The following CDH18 variants were observed in gnomAD, a reference collection of about 807,000 sequenced individuals.
CDH18 encodes the protein cadherin-18.
Under a neutral mutation model 67.9 loss-of-function variants are expected in CDH18, and 31 were observed. The ratio of observed to expected loss-of-function variants is 0.46; its 90% confidence interval spans 0.34 to 0.62. CDH18 has a LOEUF of 0.62. Among genes scored for constraint, CDH18 ranks in the 20% least tolerant of loss-of-function variants. The pLI is 0.01. For synonymous variants in CDH18, 362 were observed against 347.2 expected, an observed-to-expected ratio of 1.04 and a Z score of -0.48; for missense variants, 890 against 975.5, an observed-to-expected ratio of 0.91 and a Z score of 1.17.
chr5:19,768,818 A>G (rs1773393143), intron 3 of CDH18, among the ~76,000 whole-genome samples: 1 of 152,134 alleles, frequency 6.6e-6, no homozygotes, highest in Non-Finnish European at 1.5e-5. Flanking sequence ...TATTTATAAT[A>G]GAAGTATAAA....
intron 1 of CDH18, among the ~76,000 whole-genome samples, chr5:20,451,703 A>T (rs1258060786): frequency 6.6e-6 from 1 of 152,148 alleles, no homozygotes; most frequent in East Asian, 1.9e-4. Context: ...TTTTTCTTGT[A>T]AATATTTTGA....
intron 5 of CDH18, among the ~76,000 whole-genome samples, chr5:19,663,176 A>G (rs552923873): frequency 6.6e-6 from 1 of 152,120 alleles, no homozygotes; most frequent in East Asian, 1.9e-4. Flanking sequence ...GCTAATGGAC[A>G]TTTGTGGAAC....
intron 3 of CDH18, among the ~76,000 whole-genome samples, chr5:19,782,538 G>A (rs1775244021): frequency 6.6e-6 from 1 of 152,110 alleles, no homozygotes; most frequent in South Asian, 2.1e-4. Context: ...AAATTCAAAT[G>A]TATGTAATGA....
chr5:19,568,322 G>T (rs1561365576), intron 8 of CDH18, among the ~76,000 whole-genome samples: 1 of 152,154 alleles, frequency 6.6e-6, no homozygotes, highest in African/African-American at 2.4e-5. Context: ...GTGATTATGA[G>T]GTCATGAAAA....
chr5:19,897,348 G>T (rs536064878), intron 2 of CDH18, among the ~76,000 whole-genome samples: 1 of 152,204 alleles, frequency 6.6e-6, no homozygotes, highest in East Asian at 1.9e-4. Context: ...TAATTATCAA[G>T]GAAATGTGAA....
intron 11 of CDH18, among the ~76,000 whole-genome samples, chr5:19,498,229 G>A (rs1350770390): frequency 6.6e-6 from 1 of 152,082 alleles, no homozygotes; most frequent in Non-Finnish European, 1.5e-5. Context: ...TCAACCTAAG[G>A]AAGACACTGT....
At chr5:20,062,571 G>A (rs1213713805) in intron 2 of CDH18, among the ~76,000 whole-genome samples, 1 of 152,108 alleles carries the variant, frequency 6.6e-6, no homozygotes, top group African/African-American at 2.4e-5. Context: ...TATTATGCAT[G>A]ATAACCAGCA....
intron 2 of CDH18, among the ~76,000 whole-genome samples, chr5:20,106,221 C>T (rs1561794829): frequency 6.6e-6 from 1 of 152,222 alleles, no homozygotes; most frequent in Non-Finnish European, 1.5e-5. Context: ...ACAGCTCACA[C>T]TATCATCTGT....
At chr5:19,889,778 A>C (rs1788591399) in intron 2 of CDH18, among the ~76,000 whole-genome samples, 1 of 152,176 alleles carries the variant, frequency 6.6e-6, no homozygotes, top group African/African-American at 2.4e-5. Context: ...CAGCCAAAAA[A>C]AGTCATGATT....
chr5:20,439,035 C>T (rs17226252), intron 1 of CDH18, among the ~76,000 whole-genome samples: 18,555 of 151,244 alleles, frequency 0.12, 1,561 homozygotes, highest in Non-Finnish European at 0.18. Flanking sequence ...CCCTTGATTG[C>T]GTCATTTTTT....
intron 2 of CDH18, among the ~76,000 whole-genome samples, chr5:20,206,919 C>A (rs533210175): frequency 6.6e-6 from 1 of 151,912 alleles, no homozygotes; most frequent in African/African-American, 2.4e-5. Context: ...ATTGAAATTT[C>A]TTTCTCTAAG....
intron 2 of CDH18, among the ~76,000 whole-genome samples, chr5:19,840,344 C>T (rs6870463): frequency 0.013 from 1,909 of 149,468 alleles, 33 homozygotes; most frequent in African/African-American, 0.045. Flanking sequence ...TATGATTGGG[C>T]AACAAAGTAA....
At chr5:19,613,327 C>A (rs1167965270) in intron 5 of CDH18, among the ~76,000 whole-genome samples, 1 of 151,964 alleles carries the variant, frequency 6.6e-6, no homozygotes, top group Non-Finnish European at 1.5e-5. Context: ...AGCTTCCTGG[C>A]AGAGTTATCA....
chr5:19,800,734 T>C (rs1348975689), intron 3 of CDH18, among the ~76,000 whole-genome samples: 3 of 152,206 alleles, frequency 2.0e-5, no homozygotes, highest in Non-Finnish European at 4.4e-5. Flanking sequence ...AAAACAAAAA[T>C]ACTAAACTAT....
intron 2 of CDH18, among the ~76,000 whole-genome samples, chr5:20,141,351 C>T (rs1750226161): frequency 6.6e-6 from 1 of 152,136 alleles, no homozygotes; most frequent in Admixed American, 6.6e-5. Context: ...AATAGTAAAG[C>T]ATCCTAACTA....
At chr5:19,994,851 TATATAGAGAG>T (rs1258262298) in intron 2 of CDH18, among the ~76,000 whole-genome samples, 1 of 39,200 alleles carries the variant, frequency 2.6e-5, no homozygotes, top group Admixed American at 3.4e-4. Flanking sequence ...TATATATATA[TATATAGAGAG>T]AGAGAGAGAG....
At chr5:20,519,778 A>C (rs1277480963) in intron 1 of CDH18, among the ~76,000 whole-genome samples, 1 of 151,324 alleles carries the variant, frequency 6.6e-6, no homozygotes, top group African/African-American at 2.4e-5. Flanking sequence ...TAGATGATGC[A>C]TTTGCTCTTT....
chr5:19,746,847 G>GAT lies in CDH18; in HGVS notation c.523+93_523+94dup, dbSNP rs377103837. ...AAACTTCATATTTATATCCCCTCCA[G>GAT]ATATATATATATAAGTAAAAATTGG... On this transcript the variant is annotated intron_variant, in intron 4 of 12. Transcript: ENST00000382275. 1.9e-3 allele frequency: 1,795 copies of GAT among 941,914 alleles called. 8 individuals are homozygous for GAT. The highest frequency in any genetic ancestry group is 0.019 in the African/African-American group (1,130 of 59,624). The allele number at this position is 941,914 out of a possible 1,614,324, so 58.3% of individuals were successfully genotyped here. A position where few individuals can be genotyped will look rare whatever the true frequency, so the allele number is the denominator to read the frequency against.
At chr5:19,798,397 T>C (rs548575673) in intron 3 of CDH18, among the ~76,000 whole-genome samples, 55 of 152,160 alleles carry the variant, frequency 3.6e-4, no homozygotes, top group African/African-American at 1.3e-3. Context: ...AAAATCTTCA[T>C]TAAAAAATTA....
Sources: gnomAD v4.1 joint callset for allele counts (sites outside exome capture counted in the v4.1 genomes callset) on GRCh38, gnomAD v4.1.1 for gene constraint, MANE v1.5 for transcripts, NCBI Gene and HGNC (gene_info 2026-07-23, HGNC 2026-07-21) for gene names.